The following CACNA2D3 variants were observed in gnomAD, a reference collection of about 807,000 sequenced individuals.
CACNA2D3 encodes calcium voltage-gated channel auxiliary subunit alpha2delta 3.
CACNA2D3 carries 60 observed loss-of-function variants against 160.6 expected under a neutral mutation model. The ratio of observed to expected loss-of-function variants is 0.37; its 90% confidence interval spans 0.30 to 0.46. CACNA2D3 has a LOEUF of 0.46. CACNA2D3 is among the 20% of genes least tolerant of loss of function. The probability of loss-of-function intolerance (pLI) is 1.00; values close to 1 mark genes in which losing one functional copy is unlikely to be tolerated. For synonymous variants in CACNA2D3, 558 were observed against 492.9 expected, an observed-to-expected ratio of 1.13 and a Z score of -1.75; for missense variants, 1,205 against 1,365.0, an observed-to-expected ratio of 0.88 and a Z score of 1.85.
At chr3:54,600,325 A>G (rs1461967267) in intron 9 of CACNA2D3, among the ~76,000 whole-genome samples, 1 of 152,194 alleles carries the variant, frequency 6.6e-6, no homozygotes, top group African/African-American at 2.4e-5. Context: ...CACAAAGCAG[A>G]AGGTATTTCT....
intron 10 of CACNA2D3, chr3:54,634,525 G>T (rs1434943142): frequency 6.6e-6 from 1 of 152,212 alleles, no homozygotes; most frequent in African/African-American, 2.4e-5. Context: ...CAGGCTTTGT[G>T]TGAGCAACAA....
intron 3 of CACNA2D3, among the ~76,000 whole-genome samples, chr3:54,328,868 C>CT (rs1208073458): frequency 6.6e-6 from 1 of 152,198 alleles, no homozygotes; most frequent in East Asian, 1.9e-4. Context: ...TAGCACTAAG[C>CT]TTCCTGACTT....
intron 4 of CACNA2D3, among the ~76,000 whole-genome samples, chr3:54,422,124 C>T (rs924383745): frequency 2.6e-5 from 4 of 152,182 alleles, no homozygotes; most frequent in East Asian, 3.8e-4. Flanking sequence ...GAAAACGAGC[C>T]CTGCTTTTGT....
intron 27 of CACNA2D3, among the ~76,000 whole-genome samples, chr3:54,944,044 A>G (rs904972203): frequency 6.6e-5 from 10 of 152,128 alleles, no homozygotes; most frequent in African/African-American, 2.4e-4. Flanking sequence ...AATCATTTTG[A>G]ATTTTGAAGG....
At chr3:54,446,890 G>C (rs1447611187) in intron 4 of CACNA2D3, among the ~76,000 whole-genome samples, 1 of 152,172 alleles carries the variant, frequency 6.6e-6, no homozygotes, top group African/African-American at 2.4e-5. Flanking sequence ...GGGGCACCAA[G>C]TGAGTGTCTC....
chr3:54,421,943 A>G (rs894735713), intron 4 of CACNA2D3, among the ~76,000 whole-genome samples: 1 of 152,118 alleles, frequency 6.6e-6, no homozygotes, highest in Non-Finnish European at 1.5e-5. Flanking sequence ...GAGCCTTATG[A>G]ATCACCTCTC....
intron 21 of CACNA2D3, among the ~76,000 whole-genome samples, chr3:54,882,036 CAG>C (rs1263302612): frequency 1.3e-5 from 2 of 152,178 alleles, no homozygotes; most frequent in African/African-American, 4.8e-5. Flanking sequence ...GGGCACAACC[CAG>C]AGTGTGCCCA....
At chr3:54,869,764 T>C (rs930920647) in intron 17 of CACNA2D3, among the ~76,000 whole-genome samples, 3 of 152,204 alleles carry the variant, frequency 2.0e-5, no homozygotes, top group Admixed American at 6.5e-5. Context: ...TGCTGACAAC[T>C]CCGGTTGACC....
intron 17 of CACNA2D3, among the ~76,000 whole-genome samples, chr3:54,864,743 C>G (rs1453682942): frequency 6.6e-6 from 1 of 152,176 alleles, no homozygotes; most frequent in Non-Finnish European, 1.5e-5. Context: ...CAGTTGCCAC[C>G]TGAACCAAGG....
At chr3:54,993,428 G>A (rs1575426171) in intron 31 of CACNA2D3, among the ~76,000 whole-genome samples, 1 of 152,140 alleles carries the variant, frequency 6.6e-6, no homozygotes, top group Non-Finnish European at 1.5e-5. Context: ...GCGGAGCTGG[G>A]CACCAACCTG....
chr3:54,637,288 A>G (rs1271690828), intron 10 of CACNA2D3, among the ~76,000 whole-genome samples: 10 of 151,862 alleles, frequency 6.6e-5, no homozygotes, highest in Non-Finnish European at 1.3e-4. Context: ...TAAGGGGTGC[A>G]TGATCGGTCA....
intron 8 of CACNA2D3, among the ~76,000 whole-genome samples, chr3:54,576,208 T>A (rs1333873400): frequency 6.6e-6 from 1 of 152,190 alleles, no homozygotes; most frequent in Non-Finnish European, 1.5e-5. Flanking sequence ...CTTTCATCTC[T>A]CAAGTTCAGC....
intron 2 of CACNA2D3, among the ~76,000 whole-genome samples, chr3:54,249,162 T>G (rs565616236): frequency 6.6e-6 from 1 of 152,342 alleles, no homozygotes; most frequent in African/African-American, 2.4e-5. Context: ...TTTATCATAC[T>G]AGGAAGAAGT....
At chr3:54,283,943 T>G (rs1702946534) in intron 2 of CACNA2D3, among the ~76,000 whole-genome samples, 1 of 152,056 alleles carries the variant, frequency 6.6e-6, no homozygotes, top group South Asian at 2.1e-4. Flanking sequence ...GTGGCTGTAG[T>G]CCCAGCTACT....
At chr3:54,413,424 C>CTATATATATCTATATATATATATCTA (rs1575442002) in intron 4 of CACNA2D3, among the ~76,000 whole-genome samples, 2 of 145,544 alleles carry the variant, frequency 1.4e-5, no homozygotes, top group African/African-American at 5.0e-5. Context: ...ATATAGATAT[C>CTATATATATCTATATATATATATCTA]TATATATATA....
chr3:54,563,425 C>T lies in CACNA2D3; in HGVS notation c.676+494C>T, dbSNP rs1007688358. 7.9e-5 allele frequency among the ~76,000 whole-genome samples: 12 copies of T among 152,190 alleles called. No homozygotes were observed. The East Asian group carries it at 2.1e-3, about 27-fold the overall frequency. On this transcript the variant is annotated intron_variant, in intron 6 of 37. Coordinates refer to ENST00000474759, the MANE Select transcript of CACNA2D3 (RefSeq NM_018398.3). ...AGATGTTGAAATGGCCCAGGCGTCG[C>T]TGACGGCAAGAACCCCTCCACAGAG...
intron 9 of CACNA2D3, among the ~76,000 whole-genome samples, chr3:54,592,337 C>A (rs948062418): frequency 2.6e-5 from 4 of 152,144 alleles, no homozygotes; most frequent in African/African-American, 9.7e-5. Context: ...CCACAGCACA[C>A]CATCCCTGAA....
chr3:54,246,487 G>A (rs1054147555), intron 2 of CACNA2D3, among the ~76,000 whole-genome samples: 3 of 152,168 alleles, frequency 2.0e-5, no homozygotes, highest in African/African-American at 7.2e-5. Flanking sequence ...GAGGTCAGGA[G>A]GTCAAGACCA....
chr3:54,606,525 G>T (rs551631921), intron 9 of CACNA2D3, among the ~76,000 whole-genome samples: 51 of 152,262 alleles, frequency 3.3e-4, no homozygotes, highest in African/African-American at 9.9e-4. Context: ...ATTGGGATGT[G>T]GGTTCCAGGA....
Sources: gnomAD v4.1 joint callset for allele counts (sites outside exome capture counted in the v4.1 genomes callset) on GRCh38, gnomAD v4.1.1 for gene constraint, MANE v1.5 for transcripts, NCBI Gene and HGNC (gene_info 2026-07-23, HGNC 2026-07-21) for gene names.